The following MUSK variants were observed in gnomAD, a reference collection of about 807,000 sequenced individuals.
The protein encoded by MUSK is muscle, skeletal receptor tyrosine-protein kinase.
Under a neutral mutation model 88.7 loss-of-function variants are expected in MUSK, and 55 were observed. That is an observed-to-expected ratio of 0.62 (90% confidence interval 0.50 to 0.78). The LOEUF (loss-of-function observed/expected upper bound fraction) is 0.78, where lower values mean the gene tolerates loss of function less well. Ranked by LOEUF, MUSK falls within the 30% of genes least tolerant of loss-of-function variation. The pLI is 0.00. For synonymous variants in MUSK, 387 were observed against 391.9 expected, an observed-to-expected ratio of 0.99 and a Z score of 0.15; for missense variants, 1,015 against 1,074.3, an observed-to-expected ratio of 0.94 and a Z score of 0.77.
intron 11 of MUSK, among the ~76,000 whole-genome samples, chr9:110,783,342 G>C (rs1462449736): frequency 6.6e-6 from 1 of 151,874 alleles, no homozygotes; most frequent in Non-Finnish European, 1.5e-5. Context: ...TATAAATATG[G>C]AAATTTTATC....
intron 2 of MUSK, among the ~76,000 whole-genome samples, chr9:110,686,761 T>C (rs779877013): frequency 3.9e-5 from 6 of 152,164 alleles, no homozygotes; most frequent in Non-Finnish European, 5.9e-5. Context: ...TGCATGTTCT[T>C]TATCTATTAA....
rs370720549 is a variant in MUSK at position 110,689,718 on chromosome 9, T to TAGTTATATATTAATATATAACTATATATA, written c.358+2450_358+2451insAGTTATATATTAATATATAACTATATATA. ...TTATATATAAATATATAACTATATA[T>TAGTTATATATTAATATATAACTATATATA]GTTATATATAGTTTATATATAATAT... is the stretch of plus-strand genomic sequence containing the variant. On this transcript the variant is annotated intron_variant, in intron 3 of 14. Transcript: ENST00000374448. Among the ~76,000 whole-genome samples, 5 of 51,662 alleles carry TAGTTATATATTAATATATAACTATATATA rather than the reference T, an allele frequency of 9.7e-5. 2 individuals carry two copies. Among genetic ancestry groups the TAGTTATATATTAATATATAACTATATATA allele is most frequent in the Non-Finnish European group, 1.5e-4 (5 of 34,140 alleles). The allele number at this position is 51,662 out of a possible 152,430, so 33.9% of individuals were successfully genotyped here. A position where few individuals can be genotyped will look rare whatever the true frequency, so the allele number is the denominator to read the frequency against.
At chr9:110,775,464 GTGT>G in intron 9 of MUSK, 1 of 335,294 alleles carries the variant, frequency 3.0e-6, no homozygotes, top group Non-Finnish European at 5.7e-6. Context: ...TCCTCTACCT[GTGT>G]TGTTATTTGA....
chr9:110,758,749 AG>A (rs2131915645), intron 7 of MUSK, among the ~76,000 whole-genome samples: 1 of 152,326 alleles, frequency 6.6e-6, no homozygotes, highest in African/African-American at 2.4e-5. Flanking sequence ...AATGTACAAA[AG>A]TCAGTAAATT....
rs1440631320 is a variant in MUSK at position 110,804,619 on chromosome 9, G to T, written c.*3631G>T. On this transcript the variant is annotated 3_prime_UTR_variant, in exon 15 of 15. Coordinates refer to ENST00000374448, the MANE Select transcript of MUSK (RefSeq NM_005592.4). ...AATTATGGGATTTATCTTGTAAAAA[G>T]CCTATTAAGCCTTTTTCATACTTTA... Among the ~76,000 whole-genome samples, 1 of 151,758 alleles carries T rather than the reference G, an allele frequency of 6.6e-6. No individual in the cohort carries two copies. The highest frequency in any genetic ancestry group is 6.6e-5 in the Admixed American group (1 of 15,246).
chr9:110,680,395 T>TC (rs1164991954), intron 1 of MUSK, among the ~76,000 whole-genome samples: 3 of 151,208 alleles, frequency 2.0e-5, no homozygotes, highest in Non-Finnish European at 4.4e-5. Context: ...TTTTTTTTTT[T>TC]TCTTCTGAGA....
chr9:110,678,182 G>A lies in MUSK; in HGVS notation c.80-4492G>A, dbSNP rs377577471. On this transcript the variant is annotated intron_variant, in intron 1 of 14. Transcript: ENST00000374448. ...GCTGGAGTGCAGTGGTGCAATCACA[G>A]CTCACTGCAGCCTTGACCTCCTGGG... Among the ~76,000 whole-genome samples the A allele has an allele frequency of 2.8e-4, 42 of 152,292 alleles. 1 individual carries two copies. The South Asian group carries it at 7.0e-3, about 26-fold the overall frequency.
chr9:110,705,994 A>T, intron 5 of MUSK: 1 of 435,870 alleles, frequency 2.3e-6, no homozygotes, highest in Non-Finnish European at 4.8e-6. Context: ...CTCATCATTA[A>T]TCCCTTACAA....
At chr9:110,715,790 C>T (rs1243329606) in intron 5 of MUSK, among the ~76,000 whole-genome samples, 2 of 148,934 alleles carry the variant, frequency 1.3e-5, no homozygotes, top group East Asian at 3.9e-4. Context: ...ACTATGCAGC[C>T]ATAAAAAGGA....
chr9:110,767,853 C>G lies in MUSK; in HGVS notation c.954C>G (p.Ala318=), dbSNP rs968145791. The change falls in exon 9 of 15, where the codon GCC becomes GCG. Residue 318 remains alanine, a synonymous_variant. Transcript: ENST00000374448. ...KPQKDNKGYC[A]QYRGEVCNAV... ...AGAAAGATAACAAAGGCTACTGCGC[C>G]CAGTACAGAGGGGAGGTGTGTAATG... 8 of 1,613,846 alleles carry G rather than the reference C, an allele frequency of 5.0e-6. No individual in the cohort carries two copies. In the African/African-American group the frequency reaches 6.7e-5, roughly 13 times the overall value.
chr9:110,779,391 G>T (rs1049684426), intron 11 of MUSK, among the ~76,000 whole-genome samples: 1 of 152,034 alleles, frequency 6.6e-6, no homozygotes, highest in African/African-American at 2.4e-5. Flanking sequence ...CTATTTCTTT[G>T]ATTTATTTAT....
At chr9:110,683,932 T>C (rs2076163763) in intron 2 of MUSK, among the ~76,000 whole-genome samples, 1 of 152,130 alleles carries the variant, frequency 6.6e-6, no homozygotes, top group Admixed American at 6.6e-5. Context: ...CTATTTGTTG[T>C]CTCTTCACTT....
At chr9:110,687,094 T>C (rs1297057284) in intron 2 of MUSK, 23 bp from the exon 3 acceptor site, 1 of 1,603,020 alleles carries the variant, frequency 6.2e-7, no homozygotes, top group Non-Finnish European at 8.5e-7. Context: ...CACTAATCTG[T>C]CATTTTTTTC....
At position 110,775,811 on chromosome 9, in the gene MUSK, A is replaced by G. The variant is rs1217825247; in HGVS notation, c.1208A>G (p.Glu403Gly). Residue 403 changes from glutamate (E) to glycine (G), a missense_variant, in exon 10 of 15, where the codon GAG (glutamate) becomes GGG (glycine). Glu to Gly is a moderately conservative substitution (Grantham distance 98, BLOSUM62 -2). Coordinates refer to ENST00000374448, the MANE Select transcript of MUSK (RefSeq NM_005592.4). ...ICREYCLAVK[E>G]LFCAKEWLVM... ...AGAGAGTACTGCTTGGCAGTAAAGG[A>G]GCTCTTCTGCGCAAAAGAATGGCTG... 6.2e-7 allele frequency: 1 copy of G among 1,613,876 alleles called. No homozygotes were observed. Among genetic ancestry groups the G allele is most frequent in the Non-Finnish European group, 8.5e-7 (1 of 1,179,824 alleles).
chr9:110,720,742 T>C (rs1481003751), intron 5 of MUSK, among the ~76,000 whole-genome samples: 1 of 152,120 alleles, frequency 6.6e-6, no homozygotes, highest in Non-Finnish European at 1.5e-5. Context: ...AATTATTCTA[T>C]GAAGGCAGTA....
At position 110,712,583 on chromosome 9, in the gene MUSK, G is replaced by A. The variant is rs545662630; in HGVS notation, c.628+15117G>A. Among the ~76,000 whole-genome samples the A allele has an allele frequency of 1.1e-4, 17 of 152,230 alleles. 1 individual carries two copies. In the South Asian group the frequency reaches 3.5e-3, roughly 32 times the overall value. On this transcript the variant is annotated intron_variant, in intron 5 of 14. Coordinates refer to ENST00000374448, the MANE Select transcript of MUSK (RefSeq NM_005592.4). Reference sequence around the variant, plus strand: ...AGTTATTCATATTTGATAGGTTTATGTTAGTGCTTTTTAACAACACCCCAA... The same window carrying A: ...AGTTATTCATATTTGATAGGTTTATATTAGTGCTTTTTAACAACACCCCAA...
chr9:110,712,962 G>A (rs1279465789), intron 5 of MUSK, among the ~76,000 whole-genome samples: 4 of 152,248 alleles, frequency 2.6e-5, no homozygotes, highest in African/African-American at 9.6e-5. Flanking sequence ...GAGGAGATAG[G>A]GAAAGGTCAG....
At chr9:110,736,964 A>G (rs2077037547) in intron 6 of MUSK, among the ~76,000 whole-genome samples, 2 of 151,884 alleles carry the variant, frequency 1.3e-5, no homozygotes, top group Non-Finnish European at 2.9e-5. Context: ...TAGTTCTTTT[A>G]TATCTTAATT....
chr9:110,740,444 G>C (rs1312451557), intron 6 of MUSK, among the ~76,000 whole-genome samples: 1 of 152,052 alleles, frequency 6.6e-6, no homozygotes, highest in Non-Finnish European at 1.5e-5. Flanking sequence ...ACAATGATGA[G>C]CGCCAAAAAT....
Sources: gnomAD v4.1 joint callset for allele counts (sites outside exome capture counted in the v4.1 genomes callset) on GRCh38, gnomAD v4.1.1 for gene constraint, MANE v1.5 for transcripts, NCBI Gene and HGNC (gene_info 2026-07-23, HGNC 2026-07-21) for gene names.